FN3KRP: variants seen among roughly 807,000 people sequenced by gnomAD.
FN3KRP encodes ketosamine-3-kinase.
In FN3KRP, 33 loss-of-function variants were observed where a neutral mutation model predicts 29.8. The ratio of observed to expected loss-of-function variants is 1.11; its 90% CI spans 0.84 to 1.48. FN3KRP has a LOEUF of 1.48. FN3KRP is among the 40% of genes most tolerant of loss of function. FN3KRP has a pLI of 0.00. For synonymous variants in FN3KRP, 157 were observed against 155.2 expected (o/e 1.01, Z -0.09); for missense variants, 430 against 402.6 (o/e 1.07, Z -0.58).
At chr17:82,719,102 G>C (rs758558820) in intron 2 of FN3KRP, 45 bp downstream of exon 2, 6 of 1,538,052 alleles carry the variant, frequency 3.9e-6, no homozygotes, top group Non-Finnish European at 5.3e-6. Context: ...TACCTGAGCA[G>C]GTGTGTCTTC....
Position 82,726,792 on chromosome 17 carries a change from G to T in FN3KRP, c.592-41G>T, listed in dbSNP as rs766573909. 2.6e-6 allele frequency: 4 copies of T among 1,514,788 alleles called. No homozygotes were observed. In the East Asian group the frequency reaches 6.8e-5, roughly 26 times the overall value. 93.8% of individuals were successfully genotyped at this position (1,514,788 alleles called of 1,614,324 possible). Reference sequence around the variant, plus strand: ...ACCTGGAGCGGCGCCCCTCATGCACGCGTTGATCAATTTGCTGAGGCTCCA... The same window carrying T: ...ACCTGGAGCGGCGCCCCTCATGCACTCGTTGATCAATTTGCTGAGGCTCCA... On this transcript the variant is annotated intron_variant, in intron 5 of 5. Coordinates refer to ENST00000269373, the MANE Select transcript of FN3KRP (RefSeq NM_024619.4).
At chr17:82,720,173 T>A (rs1351957421) in intron 2 of FN3KRP, 99 bp from the exon 3 acceptor site, 2 of 918,172 alleles carry the variant, frequency 2.2e-6, no homozygotes, top group Non-Finnish European at 3.3e-6. Context: ...CTCAAAAAAA[T>A]AAAAAAGTTT....
rs963053083 is a variant in FN3KRP, at chr17:82,719,026, A to G, written c.262A>G (p.Met88Val). The G allele has an allele frequency of 3.1e-6, 5 of 1,614,056 alleles. No homozygotes were observed. The Admixed American group carries it at 6.7e-5, about 22-fold the overall frequency. The change falls in exon 2 of 6, where the codon ATG (methionine) becomes GTG (valine). Residue 88 changes from methionine to valine, a missense_variant. Transcript: ENST00000269373. ...CCCAGGCGGCGGGAGCGTGCTGGTG[A>G]TGGAGCACATGGACATGAGGCATCT... The part of the protein sequence containing the change: ...DAPGGGSVLV[M>V]EHMDMRHLSS...
In FN3KRP at chr17:82,722,857, G is replaced by A. The variant is rs1288962187; in HGVS notation, c.439G>A (p.Val147Met). ...CTTTGTGGCCCGGTTTGGATTTGAC[G>A]TGGTGACGTGCTGTGGATACCTCCC... ...RPFVARFGFD[V>M]VTCCGYLPQV... Residue 147 changes from valine (V) to methionine (M), a missense_variant, in exon 4 of 6, where the codon GTG (valine) becomes ATG (methionine). Physicochemically the swap from Val to Met is conservative, Grantham distance 21. Coordinates refer to ENST00000269373, the MANE Select transcript of FN3KRP (RefSeq NM_024619.4). 1.1e-5 allele frequency: 18 copies of A among 1,613,988 alleles called. No individual in the cohort carries two copies. Among genetic ancestry groups the A allele is most frequent in the East Asian group, 4.5e-5 (2 of 44,894 alleles).
In FN3KRP at chr17:82,727,596, C is replaced by G. The variant is rs140176973; in HGVS notation, c.*425C>G. 3 of 163,510 alleles carry G rather than the reference C, an allele frequency of 1.8e-5. No individual in the cohort carries two copies. The East Asian group carries it at 5.3e-4, about 29-fold the overall frequency. The allele number at this position is 163,510 out of a possible 1,614,324, so 10.1% of individuals were successfully genotyped here. On this transcript the variant is annotated 3_prime_UTR_variant, in exon 6 of 6. Coordinates refer to ENST00000269373, the MANE Select transcript of FN3KRP (RefSeq NM_024619.4). Reference sequence around the variant, plus strand: ...TGTGCAGGAATGTCTCTGAGCTGTTCACGTTGATGCTTCTTGGTTGGCAAG... The same window carrying G: ...TGTGCAGGAATGTCTCTGAGCTGTTGACGTTGATGCTTCTTGGTTGGCAAG...
chr17:82,722,679 T>C, intron 3 of FN3KRP, 125 bp from the exon 4 acceptor site: 1 of 801,244 alleles, frequency 1.2e-6, no homozygotes, highest in Non-Finnish European at 2.0e-6. Flanking sequence ...AGGCCCTGTT[T>C]GTCTCTGGCA....
intron 1 of FN3KRP, among the ~76,000 whole-genome samples, chr17:82,718,122 G>A (rs745341247): frequency 9.3e-5 from 14 of 150,720 alleles, no homozygotes; most frequent in Non-Finnish European, 1.8e-4. Context: ...GTCGTATGTT[G>A]TGTGTGTTGT....
At chr17:82,721,543 C>G (rs998038787) in intron 3 of FN3KRP, among the ~76,000 whole-genome samples, 1 of 152,030 alleles carries the variant, frequency 6.6e-6, no homozygotes, top group East Asian at 1.9e-4. Flanking sequence ...TGCTTTGTTC[C>G]CCAGGCTGGA....
chr17:82,722,933 C>A, intron 4 of FN3KRP, 47 bp downstream of exon 4: 1 of 1,551,732 alleles, frequency 6.4e-7, no homozygotes, highest in South Asian at 1.1e-5. Flanking sequence ...GTCAGCTGTT[C>A]AGACACACGG....
At chr17:82,724,087 G>T (rs911538205) in intron 4 of FN3KRP, among the ~76,000 whole-genome samples, 3 of 150,574 alleles carry the variant, frequency 2.0e-5, no homozygotes, top group Admixed American at 6.6e-5. Flanking sequence ...GAGCCCAGCA[G>T]TTCGAGACCA....
At chr17:82,720,392 C>T (rs756439956) in intron 3 of FN3KRP, 29 bp downstream of exon 3, 21 of 1,582,180 alleles carry the variant, frequency 1.3e-5, no homozygotes, top group Non-Finnish European at 1.7e-5. Context: ...CACGGGTGCT[C>T]CCGCCTAGAG....
chr17:82,722,862 G>GA lies in FN3KRP; in HGVS notation c.445dup (p.Thr149AsnfsTer11). On this transcript the variant is annotated frameshift_variant, in exon 4 of 6. Coordinates refer to ENST00000269373, the MANE Select transcript of FN3KRP (RefSeq NM_024619.4). LOFTEE classifies it high-confidence loss of function. ...TGGCCCGGTTTGGATTTGACGTGGT[G>GA]ACGTGCTGTGGATACCTCCCCCAGG... The GA allele has an allele frequency of 6.2e-7, 1 of 1,614,156 alleles. No individual in the cohort carries two copies. Among genetic ancestry groups the GA allele is most frequent in the Non-Finnish European group, 8.5e-7 (1 of 1,180,030 alleles).
chr17:82,720,406 G>T, intron 3 of FN3KRP, 43 bp downstream of exon 3: 1 of 1,528,180 alleles, frequency 6.5e-7, no homozygotes. Context: ...CCTAGAGGAG[G>T]ACGTTCAGCC....
intron 3 of FN3KRP, 78 bp from the exon 4 acceptor site, chr17:82,722,726 C>A: frequency 1.4e-6 from 2 of 1,432,890 alleles, no homozygotes; most frequent in South Asian, 1.2e-5. Flanking sequence ...GAGGTCGTGT[C>A]TGAAGGTGAC....
chr17:82,719,073 A>ACCCCCCACCC lies in FN3KRP; in HGVS notation c.293+25_293+26insCCCCCCCACC. 6.3e-7 allele frequency: 1 copy of ACCCCCCACCC among 1,580,006 alleles called. No individual in the cohort carries two copies. Among genetic ancestry groups the ACCCCCCACCC allele is most frequent in the African/African-American group, 1.4e-5 (1 of 70,882 alleles). On this transcript the variant is annotated intron_variant, in intron 2 of 5. Coordinates refer to ENST00000269373, the MANE Select transcript of FN3KRP (RefSeq NM_024619.4). Reference sequence around the variant, plus strand: ...ATCTGAGCAGGTGCATCTTCACACCACCCCCCACCTGGCTTTATTACCTGA... The same window carrying ACCCCCCACCC: ...ATCTGAGCAGGTGCATCTTCACACCACCCCCCACCCCCCCCCACCTGGCTTTATTACCTGA...
chr17:82,720,448 G>T lies in FN3KRP; in HGVS notation c.385+85G>T. 15 of 1,099,494 alleles carry T rather than the reference G, an allele frequency of 1.4e-5. 1 individual carries two copies. The South Asian group carries it at 2.0e-4, about 14-fold the overall frequency. The allele number at this position is 1,099,494 out of a possible 1,614,324, so 68.1% of individuals were successfully genotyped here. A position where few individuals can be genotyped will look rare whatever the true frequency, so the allele number is the denominator to read the frequency against. ...GGCTCAGAGCGGGGGCCGTGCAGCA[G>T]CCGTGGGAGGGTCGGACGTGGGCTG... On this transcript the variant is annotated intron_variant, in intron 3 of 5. Coordinates refer to ENST00000269373, the MANE Select transcript of FN3KRP (RefSeq NM_024619.4).
At chr17:82,721,029 T>G (rs2046794766) in intron 3 of FN3KRP, 3 of 152,240 alleles carry the variant, frequency 2.0e-5, no homozygotes, top group African/African-American at 7.2e-5. Context: ...TAACGGAGTT[T>G]AGTCCATTGG....
At chr17:82,718,478 C>A (rs539574005) in intron 1 of FN3KRP, 1 of 989,696 alleles carries the variant, frequency 1.0e-6, no homozygotes, top group Admixed American at 5.9e-5. Context: ...GCATAGGCAG[C>A]CAGGGTGCCG....
chr17:82,719,043 G>A lies in FN3KRP; in HGVS notation c.279G>A (p.Met93Ile). 1 of 1,611,888 alleles carries A rather than the reference G, an allele frequency of 6.2e-7. No individual in the cohort carries two copies. The highest frequency in any genetic ancestry group is 8.5e-7 in the Non-Finnish European group (1 of 1,179,726). ...GSVLVMEHMD[M>I]RHLSSHAAKL... ...TGCTGGTGATGGAGCACATGGACATGAGGCATCTGAGCAGGTGCATCTTCA... is the reference window on the plus strand; with the variant it reads ...TGCTGGTGATGGAGCACATGGACATAAGGCATCTGAGCAGGTGCATCTTCA... The change falls in exon 2 of 6, where the codon ATG becomes ATA. Residue 93 changes from methionine to isoleucine, a missense_variant. Physicochemically the swap from Met to Ile is conservative, Grantham distance 10. Coordinates refer to ENST00000269373, the MANE Select transcript of FN3KRP (RefSeq NM_024619.4).
Sources: gnomAD v4.1 joint callset for allele counts (sites outside exome capture counted in the v4.1 genomes callset) on GRCh38, gnomAD v4.1.1 for gene constraint, MANE v1.5 for transcripts, NCBI Gene and HGNC (gene_info 2026-07-23, HGNC 2026-07-21) for gene names.